The following RNF126 variants were observed in gnomAD, a reference collection of about 807,000 sequenced individuals.
RNF126 encodes E3 ubiquitin-protein ligase RNF126.
Under a neutral mutation model 41.9 loss-of-function variants are expected in RNF126, and 20 were observed. The ratio of observed to expected loss-of-function variants is 0.48; its 90% CI spans 0.34 to 0.69. RNF126 has a LOEUF of 0.69. RNF126 is among the 30% of genes least tolerant of loss of function. The pLI, the probability that RNF126 is intolerant of heterozygous loss-of-function variation, is 0.01. For synonymous variants in RNF126, 239 were observed against 202.9 expected (o/e 1.18, Z -1.51); for missense variants, 433 against 460.6 (o/e 0.94, Z 0.55).
At chr19:660,593 C>G (rs1467204390) in intron 1 of RNF126, among the ~76,000 whole-genome samples, 1 of 152,164 alleles carries the variant, frequency 6.6e-6, no homozygotes, top group Non-Finnish European at 1.5e-5. Flanking sequence ...AGCAGCCGTC[C>G]CTCCCCAGAA....
intron 1 of RNF126, among the ~76,000 whole-genome samples, chr19:656,058 C>G (rs2030551198): frequency 6.6e-6 from 1 of 151,736 alleles, no homozygotes; most frequent in Non-Finnish European, 1.5e-5. Flanking sequence ...GGAGTGACGG[C>G]TGGCAGGGCT....
At chr19:649,220 T>TGGGG (rs67039359) in intron 6 of RNF126, 6,310 of 123,388 alleles carry the variant, frequency 0.051, 542 homozygotes, top group Non-Finnish European at 0.071. Flanking sequence ...GACAGCGGAA[T>TGGGG]GGGGGGGGGG....
At chr19:663,003 T>C in intron 1 of RNF126, 44 bp downstream of exon 1, 1 of 1,114,244 alleles carries the variant, frequency 9.0e-7, no homozygotes, top group Non-Finnish European at 1.2e-6. Context: ...GCCTCAGGCC[T>C]GCGGCGCAGA....
chr19:656,682 A>C (rs1007573164), intron 1 of RNF126, among the ~76,000 whole-genome samples: 1 of 152,096 alleles, frequency 6.6e-6, no homozygotes, highest in Non-Finnish European at 1.5e-5. Context: ...GGGAAGGGGA[A>C]GCAGCCAACG....
Sources: allele counts gnomAD v4.1 joint callset (sites outside exome capture counted in the v4.1 genomes callset), GRCh38; gene constraint gnomAD v4.1.1; transcripts MANE v1.5; gene names NCBI Gene and HGNC (gene_info 2026-07-23, HGNC 2026-07-21).